The following PPP1R12A variants were observed in gnomAD, a reference collection of about 807,000 sequenced individuals.
PPP1R12A encodes protein phosphatase 1 regulatory subunit 12A.
Under a neutral mutation model 139.6 loss-of-function variants are expected in PPP1R12A, and 19 were observed. The ratio of observed to expected loss-of-function variants is 0.14; its 90% confidence interval spans 0.09 to 0.20. PPP1R12A has a LOEUF of 0.20. Ranked by LOEUF, PPP1R12A falls within the 10% of genes least tolerant of loss-of-function variation. The pLI, the probability that PPP1R12A is intolerant of heterozygous loss-of-function variation, is 1.00. For synonymous variants in PPP1R12A, 427 were observed against 420.6 expected, an observed-to-expected ratio of 1.02 and a Z score of -0.19; for missense variants, 925 against 1,211.5, an observed-to-expected ratio of 0.76 and a Z score of 3.51.
chr12:79,779,229 T>G (rs1339962220), intron 23 of PPP1R12A: 11 of 1,033,188 alleles, frequency 1.1e-5, no homozygotes, highest in Non-Finnish European at 1.5e-5. Flanking sequence ...CAGTGTACTG[T>G]TTTATTCTCC....
chr12:79,862,880 T>C (rs1592731637), intron 2 of PPP1R12A, among the ~76,000 whole-genome samples: 1 of 152,310 alleles, frequency 6.6e-6, no homozygotes, highest in South Asian at 2.1e-4. Flanking sequence ...TGGAACCAAG[T>C]TGGAAAACAC....
intron 10 of PPP1R12A, 21 bp from the exon 11 acceptor site, chr12:79,808,598 T>A: frequency 2.1e-6 from 3 of 1,461,600 alleles, no homozygotes; most frequent in Non-Finnish European, 2.9e-6. Context: ...GGGAAAAAAA[T>A]AAGTAAAAAT....
At chr12:79,928,762 T>C (rs573937082) in intron 1 of PPP1R12A, among the ~76,000 whole-genome samples, 1 of 152,304 alleles carries the variant, frequency 6.6e-6, no homozygotes, top group South Asian at 2.1e-4. Context: ...CAGTCTCTTT[T>C]ACACTTCACA....
chr12:79,799,336 AT>A (rs1872827827), intron 14 of PPP1R12A, among the ~76,000 whole-genome samples: 1 of 151,890 alleles, frequency 6.6e-6, no homozygotes, highest in African/African-American at 2.4e-5. Context: ...TTTAGTGGAG[AT>A]GGGGTTTCAT....
At chr12:79,777,683 A>C in intron 24 of PPP1R12A, 3 of 959,124 alleles carry the variant, frequency 3.1e-6, no homozygotes, top group Non-Finnish European at 3.7e-6. Flanking sequence ...AGAAATAGGA[A>C]TAAAAAATAA....
chr12:79,889,851 G>C (rs1884430208), intron 1 of PPP1R12A, among the ~76,000 whole-genome samples: 1 of 152,126 alleles, frequency 6.6e-6, no homozygotes, highest in African/African-American at 2.4e-5. Flanking sequence ...GTCCAGTGAA[G>C]GTCTGCGTCC....
chr12:79,899,278 A>C (rs1239153486), intron 1 of PPP1R12A, among the ~76,000 whole-genome samples: 1 of 145,136 alleles, frequency 6.9e-6, no homozygotes, highest in East Asian at 2.1e-4. Context: ...ATATATATAT[A>C]TATATTCACT....
chr12:79,910,858 T>C (rs1206650755), intron 1 of PPP1R12A, among the ~76,000 whole-genome samples: 1 of 152,160 alleles, frequency 6.6e-6, no homozygotes, highest in African/African-American at 2.4e-5. Context: ...AAGTGGAAAG[T>C]AAAAAGCCCT....
chr12:79,832,594 G>C (rs1054372792), intron 3 of PPP1R12A, 103 bp from the exon 4 acceptor site: 2 of 1,228,524 alleles, frequency 1.6e-6, no homozygotes, highest in Admixed American at 2.8e-5. Flanking sequence ...AATTAAAAGT[G>C]AAAGTATGTC....
At chr12:79,934,585 G>A (rs762121021) in intron 1 of PPP1R12A, 110 bp downstream of exon 1, 2 of 1,032,180 alleles carry the variant, frequency 1.9e-6, no homozygotes, top group Non-Finnish European at 1.3e-6. Context: ...CCGCAGCAGG[G>A]AGTCTCCCGC....
At chr12:79,776,349 A>G (rs993944813) in intron 24 of PPP1R12A, among the ~76,000 whole-genome samples, 5 of 152,130 alleles carry the variant, frequency 3.3e-5, no homozygotes, top group African/African-American at 1.2e-4. Context: ...CTCTTAAAAG[A>G]GGTTCCTGTC....
At chr12:79,822,342 A>G (rs888753010) in intron 5 of PPP1R12A, among the ~76,000 whole-genome samples, 152 bp from the exon 6 acceptor site, 2 of 152,184 alleles carry the variant, frequency 1.3e-5, no homozygotes, top group Non-Finnish European at 2.9e-5. Context: ...ATACAACTCT[A>G]AGGCAATGTA....
At chr12:79,809,504 A>C (rs1874268398) in intron 10 of PPP1R12A, among the ~76,000 whole-genome samples, 2 of 152,162 alleles carry the variant, frequency 1.3e-5, no homozygotes, top group African/African-American at 4.8e-5. Context: ...CTTGAATCAT[A>C]ATAAACAAAA....
At chr12:79,927,964 G>A (rs1221306085) in intron 1 of PPP1R12A, among the ~76,000 whole-genome samples, 1 of 152,108 alleles carries the variant, frequency 6.6e-6, no homozygotes, top group East Asian at 1.9e-4. Flanking sequence ...GCAGGCAGAG[G>A]CAATGAAAAT....
chr12:79,905,500 G>A (rs1162435523), intron 1 of PPP1R12A, among the ~76,000 whole-genome samples: 1 of 152,056 alleles, frequency 6.6e-6, no homozygotes, highest in African/African-American at 2.4e-5. Context: ...GGCACAGAAG[G>A]ATTTAAACCT....
chr12:79,862,409 T>C (rs976393998), intron 2 of PPP1R12A, among the ~76,000 whole-genome samples: 2 of 152,202 alleles, frequency 1.3e-5, no homozygotes, highest in Admixed American at 6.5e-5. Context: ...GCACCTCTAC[T>C]CCTCCAAAGG....
intron 22 of PPP1R12A, among the ~76,000 whole-genome samples, chr12:79,782,970 A>T (rs1242027276): frequency 6.6e-6 from 1 of 152,196 alleles, no homozygotes; most frequent in African/African-American, 2.4e-5. Context: ...TCTAGGACTT[A>T]TAACCAAGTC....
chr12:79,797,096 T>C (rs1163187012), intron 16 of PPP1R12A, 99 bp downstream of exon 16: 1 of 1,344,786 alleles, frequency 7.4e-7, no homozygotes, highest in African/African-American at 1.5e-5. Context: ...TTTACAGTAT[T>C]TTGCATATGG....
chr12:79,896,002 ATT>A (rs34970906), intron 1 of PPP1R12A, among the ~76,000 whole-genome samples: 39 of 150,542 alleles, frequency 2.6e-4, no homozygotes, highest in Non-Finnish European at 4.4e-4. Context: ...GGTTAAAACA[ATT>A]TTTTTTTTTA....
Sources: allele counts gnomAD v4.1 joint callset (sites outside exome capture counted in the v4.1 genomes callset), GRCh38; gene constraint gnomAD v4.1.1; transcripts MANE v1.5; gene names NCBI Gene and HGNC (gene_info 2026-07-23, HGNC 2026-07-21).